The following OSBPL9 variants were observed in gnomAD, a reference collection of about 807,000 sequenced individuals.
The protein encoded by OSBPL9 is oxysterol binding protein like 9.
In OSBPL9, 40 loss-of-function variants were observed where a neutral mutation model predicts 106.6. The observed-to-expected ratio is 0.38, with a 90% confidence interval of 0.29 to 0.49. OSBPL9 has a LOEUF of 0.49. OSBPL9 is among the 20% of genes least tolerant of loss of function. The pLI is 0.97. For synonymous variants in OSBPL9, 269 were observed against 295.4 expected (o/e 0.91, Z 0.92); for missense variants, 609 against 887.2 (o/e 0.69, Z 3.98).
intron 1 of OSBPL9, among the ~76,000 whole-genome samples, chr1:51,634,527 G>A (rs905198637): frequency 1.7e-4 from 26 of 152,172 alleles, no homozygotes; most frequent in Non-Finnish European, 3.4e-4. Flanking sequence ...CAGATTAACA[G>A]GAGAAAAGGT....
In OSBPL9 at chr1:51,721,359, T is replaced by C. The variant is rs540398961; in HGVS notation, c.318+7280T>C. 1.1e-4 allele frequency among the ~76,000 whole-genome samples: 16 copies of C among 152,280 alleles called. No individual in the cohort carries two copies. The East Asian group carries it at 1.5e-3, about 15-fold the overall frequency. On this transcript the variant is annotated intron_variant, in intron 4 of 23. Coordinates refer to ENST00000428468, the MANE Select transcript of OSBPL9 (RefSeq NM_024586.6). ...TGGTTTTAGGGTGGTCCAATTACTT[T>C]TGCACCAGCCTAATAAAATTACAAG...
At chr1:51,632,695 T>C (rs1466525665) in intron 1 of OSBPL9, among the ~76,000 whole-genome samples, 2 of 128,822 alleles carry the variant, frequency 1.6e-5, no homozygotes, top group Admixed American at 7.6e-5. Context: ...TACTAAAGTC[T>C]CAGAATTTGT....
intron 2 of OSBPL9, among the ~76,000 whole-genome samples, chr1:51,652,922 C>A (rs1194846268): frequency 1.3e-5 from 2 of 152,186 alleles, no homozygotes; most frequent in African/African-American, 4.8e-5. Flanking sequence ...TTCTTCAGGA[C>A]CCTGTTGACT....
At chr1:51,601,500 A>C (rs1405621520) in intron 2 of OSBPL9, among the ~76,000 whole-genome samples, 1 of 152,172 alleles carries the variant, frequency 6.6e-6, no homozygotes, top group Non-Finnish European at 1.5e-5. Context: ...CCATGGGTTC[A>C]CTTGTCCCAT....
At chr1:51,598,921 G>T in intron 2 of OSBPL9, among the ~76,000 whole-genome samples, 1 of 151,550 alleles carries the variant, frequency 6.6e-6, no homozygotes, top group East Asian at 1.9e-4. Flanking sequence ...TTGAACCCAG[G>T]AGACAGAGGT....
At chr1:51,550,139 A>G in the OSBPL9 span, among the ~76,000 whole-genome samples, 2 of 152,216 alleles carry the variant, frequency 1.3e-5, no homozygotes, top group Non-Finnish European at 2.9e-5. Flanking sequence ...TAAAATGAAG[A>G]TAAGAATGGT....
chr1:51,702,016 A>G (rs1049446457), intron 3 of OSBPL9, among the ~76,000 whole-genome samples: 15 of 152,166 alleles, frequency 9.9e-5, no homozygotes, highest in Admixed American at 9.2e-4. Context: ...CATGGTGTAT[A>G]TGTGCCACAT....
intron 1 of OSBPL9, among the ~76,000 whole-genome samples, chr1:51,644,371 G>A (rs1302669147): frequency 6.6e-6 from 1 of 152,102 alleles, no homozygotes; most frequent in Non-Finnish European, 1.5e-5. Context: ...CTGTTGCCCA[G>A]GCTGGAGTGT....
intron 1 of OSBPL9, among the ~76,000 whole-genome samples, chr1:51,587,401 G>A (rs764155162): frequency 6.6e-6 from 1 of 152,154 alleles, no homozygotes; most frequent in East Asian, 1.9e-4. Context: ...TCTGAAACTC[G>A]AACACCCATT....
In OSBPL9 at chr1:51,786,531, T is replaced by C; in HGVS notation, c.1914T>C (p.Asn638=). 8.1e-6 allele frequency: 13 copies of C among 1,600,510 alleles called. No individual in the cohort carries two copies. The highest frequency in any genetic ancestry group is 1.1e-5 in the Non-Finnish European group (13 of 1,168,092). The change falls in exon 22 of 24, where the codon AAT becomes AAC. Residue 638 remains asparagine, a synonymous_variant. Coordinates refer to ENST00000428468, the MANE Select transcript of OSBPL9 (RefSeq NM_024586.6). Reference sequence around the variant, plus strand: ...CCACCTCTATTGTTTTCTAGGAAAATACAGTCTTTGTAGATACCAAGAAGT... The same window carrying C: ...CCACCTCTATTGTTTTCTAGGAAAACACAGTCTTTGTAGATACCAAGAAGT... ...VMYAKYATGE[N]TVFVDTKKLP... is the part of the protein sequence containing the mutation.
chr1:51,681,539 C>T (rs932055538), intron 3 of OSBPL9, among the ~76,000 whole-genome samples: 2 of 151,862 alleles, frequency 1.3e-5, no homozygotes, highest in African/African-American at 4.8e-5. Flanking sequence ...ATTATTATTC[C>T]CATTGCCATT....
chr1:51,559,857 A>T, the OSBPL9 span, among the ~76,000 whole-genome samples: 1 of 142,902 alleles, frequency 7.0e-6, no homozygotes. Flanking sequence ...AAAAGAGACA[A>T]CTGTAAAAAA....
Position 51,787,968 on chromosome 1 carries a change from C to G in OSBPL9, c.*179C>G. The G allele has an allele frequency of 5.1e-6, 3 of 585,340 alleles. No individual in the cohort carries two copies. The South Asian group carries it at 7.2e-5, about 14-fold the overall frequency. The allele number at this position is 585,340 out of a possible 1,614,324, so 36.3% of individuals were successfully genotyped here. ...ATTAAGGGGAAAAGCTTCCCTTTTC[C>G]CTCTGTGGCAGTTACGATTTTGACT... is the stretch of plus-strand genomic sequence containing the variant. On this transcript the variant is annotated 3_prime_UTR_variant, in exon 24 of 24. Transcript: ENST00000428468.
At chr1:51,650,825 A>G (rs1164485897) in intron 1 of OSBPL9, among the ~76,000 whole-genome samples, 1 of 152,214 alleles carries the variant, frequency 6.6e-6, no homozygotes, top group Non-Finnish European at 1.5e-5. Context: ...GCACATGACT[A>G]ATTTACTCTT....
the OSBPL9 span, among the ~76,000 whole-genome samples, chr1:51,544,897 GC>G: frequency 7.4e-6 from 1 of 135,670 alleles, no homozygotes. Flanking sequence ...AGGCTGGAGT[GC>G]AGTGGCTTGA....
intron 1 of OSBPL9, among the ~76,000 whole-genome samples, chr1:51,651,114 G>A (rs1484383186): frequency 1.3e-5 from 2 of 152,082 alleles, no homozygotes; most frequent in African/African-American, 4.8e-5. Context: ...AGCCCAGGGT[G>A]GAAATCTAAA....
At chr1:51,528,860 C>T in the OSBPL9 span, among the ~76,000 whole-genome samples, 12 of 152,104 alleles carry the variant, frequency 7.9e-5, no homozygotes, top group South Asian at 4.2e-4. Flanking sequence ...GGAGACAGAA[C>T]GAGACTGTCT....
chr1:51,542,001 C>T, the OSBPL9 span, among the ~76,000 whole-genome samples: 7 of 152,178 alleles, frequency 4.6e-5, no homozygotes, highest in African/African-American at 1.7e-4. Flanking sequence ...CATCCTCCCA[C>T]CTCAGCCTCT....
chr1:51,568,752 C>T, the OSBPL9 span, among the ~76,000 whole-genome samples: 11 of 152,166 alleles, frequency 7.2e-5, no homozygotes, highest in Admixed American at 2.0e-4. Context: ...TTTCTCGAGA[C>T]GGAGTCTTGC....
Sources: allele counts gnomAD v4.1 joint callset (sites outside exome capture counted in the v4.1 genomes callset), GRCh38; gene constraint gnomAD v4.1.1; transcripts MANE v1.5; gene names NCBI Gene and HGNC (gene_info 2026-07-23, HGNC 2026-07-21).